LUZP2: variants seen among roughly 807,000 people sequenced by gnomAD.
LUZP2 encodes leucine zipper protein 2.
In LUZP2, 52 loss-of-function variants were observed where a neutral mutation model predicts 51.6. That is an observed-to-expected ratio of 1.01 (90% CI 0.81 to 1.27). LUZP2 has a LOEUF of 1.27. Among genes scored for constraint, LUZP2 ranks in the 50% most tolerant of loss-of-function variants. The pLI is 0.00. For missense variants in LUZP2, 436 were observed against 395.4 expected (o/e 1.10, Z -0.87); for synonymous variants, 154 against 137.3 (o/e 1.12, Z -0.85).
Position 24,983,309 on chromosome 11 carries a change from T to C in LUZP2, c.765+16T>C. On this transcript the variant is annotated intron_variant, in intron 9 of 11. Transcript: ENST00000336930. ...CAAAAGCAAGGTACCTACCTTTTAT[T>C]TGCGCTTTGTAAAGTAACAGCAAGT... 1.2e-6 allele frequency: 2 copies of C among 1,609,082 alleles called. No individual in the cohort carries two copies. Among genetic ancestry groups the C allele is most frequent in the Non-Finnish European group, 1.7e-6 (2 of 1,177,242 alleles).
rs547610508 is a variant in LUZP2 at position 24,920,756 on chromosome 11, A to C, written c.522+6218A>C. On this transcript the variant is annotated intron_variant, in intron 7 of 11. Coordinates refer to ENST00000336930, the MANE Select transcript of LUZP2 (RefSeq NM_001009909.4). ...AGCTAAATAATGTGTACACATGGAC[A>C]TAGAGTATGGAATGATGGATAATGA... 2.6e-5 allele frequency among the ~76,000 whole-genome samples: 4 copies of C among 152,076 alleles called. 1 individual carries two copies. The highest frequency in any genetic ancestry group is 4.1e-4 in the South Asian group (2 of 4,822).
chr11:25,016,077 C>T (rs994523025), intron 9 of LUZP2, among the ~76,000 whole-genome samples: 7 of 151,744 alleles, frequency 4.6e-5, no homozygotes, highest in Non-Finnish European at 8.8e-5. Flanking sequence ...CTCGCCACCA[C>T]GCCTAGCTAA....
At chr11:24,923,475 T>G (rs1854135366) in intron 7 of LUZP2, among the ~76,000 whole-genome samples, 2 of 151,942 alleles carry the variant, frequency 1.3e-5, no homozygotes, top group African/African-American at 4.8e-5. Flanking sequence ...GGTGGGGGTA[T>G]CACCTGAGGT....
chr11:24,911,572 A>G (rs1166140557), intron 6 of LUZP2, among the ~76,000 whole-genome samples: 1 of 152,086 alleles, frequency 6.6e-6, no homozygotes, highest in Non-Finnish European at 1.5e-5. Flanking sequence ...CACCCTGTGA[A>G]GAGGTGCCTT....
chr11:24,536,107 A>G (rs1851169876), intron 1 of LUZP2, among the ~76,000 whole-genome samples: 1 of 151,758 alleles, frequency 6.6e-6, no homozygotes, highest in Non-Finnish European at 1.5e-5. Context: ...TAACATATTC[A>G]GGAAACCATT....
chr11:24,934,631 A>G (rs1296833003), intron 7 of LUZP2, among the ~76,000 whole-genome samples: 1 of 152,232 alleles, frequency 6.6e-6, no homozygotes, highest in African/African-American at 2.4e-5. Flanking sequence ...GACATATTAC[A>G]TAAGAAAACA....
At chr11:24,692,694 G>T (rs1214844206) in intron 1 of LUZP2, among the ~76,000 whole-genome samples, 3 of 151,998 alleles carry the variant, frequency 2.0e-5, no homozygotes, top group Middle Eastern at 3.4e-3. Context: ...GTGCCATTTG[G>T]CTATATATTG....
intron 10 of LUZP2, among the ~76,000 whole-genome samples, chr11:25,061,104 T>C (rs1259715037): frequency 6.7e-6 from 1 of 149,344 alleles, no homozygotes; most frequent in African/African-American, 2.4e-5. Context: ...TAGTAGGAAA[T>C]AGAGTTGGGA....
At chr11:24,742,514 C>G (rs1031365479) in intron 4 of LUZP2, among the ~76,000 whole-genome samples, 2 of 151,980 alleles carry the variant, frequency 1.3e-5, no homozygotes, top group Admixed American at 1.3e-4. Flanking sequence ...TGAGAATTAT[C>G]TATTCATGTC....
intron 1 of LUZP2, among the ~76,000 whole-genome samples, chr11:24,544,999 A>G (rs1012148247): frequency 6.6e-6 from 1 of 152,034 alleles, no homozygotes; most frequent in African/African-American, 2.4e-5. Context: ...GTGAGATGAT[A>G]TCTCATTGTG....
intron 1 of LUZP2, among the ~76,000 whole-genome samples, chr11:24,658,625 G>T (rs1049482176): frequency 6.6e-6 from 1 of 152,104 alleles, no homozygotes; most frequent in Non-Finnish European, 1.5e-5. Flanking sequence ...ACTACCATCA[G>T]AGTGAACAGG....
intron 1 of LUZP2, among the ~76,000 whole-genome samples, chr11:24,503,588 G>A (rs372134457): frequency 6.6e-6 from 1 of 152,146 alleles, no homozygotes; most frequent in African/African-American, 2.4e-5. Flanking sequence ...CTCTTTAAGT[G>A]TACTTTAAAA....
intron 1 of LUZP2, among the ~76,000 whole-genome samples, chr11:24,603,802 A>G (rs990106409): frequency 5.3e-5 from 8 of 151,800 alleles, no homozygotes; most frequent in African/African-American, 1.9e-4. Context: ...CATGATTTGT[A>G]TAAAACCTTC....
At chr11:24,528,843 A>G (rs1418511713) in intron 1 of LUZP2, among the ~76,000 whole-genome samples, 1 of 151,224 alleles carries the variant, frequency 6.6e-6, no homozygotes, top group Non-Finnish European at 1.5e-5. Context: ...AATAATTCAT[A>G]ATTGCTATCA....
chr11:24,685,486 T>C (rs2133877849), intron 1 of LUZP2, among the ~76,000 whole-genome samples: 1 of 152,254 alleles, frequency 6.6e-6, no homozygotes, highest in African/African-American at 2.4e-5. Context: ...ATACCACATG[T>C]TCTTCCCACT....
intron 5 of LUZP2, among the ~76,000 whole-genome samples, chr11:24,869,814 A>T (rs1185849844): frequency 6.6e-6 from 1 of 152,132 alleles, no homozygotes; most frequent in Non-Finnish European, 1.5e-5. Context: ...CAATTATAGT[A>T]ATACCCTACA....
intron 1 of LUZP2, among the ~76,000 whole-genome samples, chr11:24,694,319 T>C (rs1378273596): frequency 1.3e-5 from 2 of 152,086 alleles, no homozygotes; most frequent in Non-Finnish European, 2.9e-5. Flanking sequence ...ATCTATCTGT[T>C]CAGCTAACTT....
intron 1 of LUZP2, among the ~76,000 whole-genome samples, chr11:24,515,110 A>G (rs1850423802): frequency 6.6e-6 from 1 of 152,216 alleles, no homozygotes; most frequent in South Asian, 2.1e-4. Flanking sequence ...TTAGAACCGG[A>G]AAGTTCATAA....
chr11:24,788,586 A>C (rs1362505823), intron 5 of LUZP2, among the ~76,000 whole-genome samples: 5 of 152,190 alleles, frequency 3.3e-5, no homozygotes, highest in Non-Finnish European at 7.3e-5. Flanking sequence ...TGTATTAATC[A>C]GAATTATCCA....
Sources: gnomAD v4.1 joint callset for allele counts (sites outside exome capture counted in the v4.1 genomes callset) on GRCh38, gnomAD v4.1.1 for gene constraint, MANE v1.5 for transcripts, NCBI Gene and HGNC (gene_info 2026-07-23, HGNC 2026-07-21) for gene names.